The following TMEM30A variants were observed in gnomAD, a reference collection of about 807,000 sequenced individuals.
The protein encoded by TMEM30A is cell cycle control protein 50A.
In TMEM30A, 24 loss-of-function variants were observed where a neutral mutation model predicts 38.2. The observed-to-expected ratio is 0.63, with a 90% CI of 0.46 to 0.88. The LOEUF (loss-of-function observed/expected upper bound fraction) is 0.88, where lower values mean the gene tolerates loss of function less well. TMEM30A is among the 40% of genes least tolerant of loss of function. The pLI, the probability that TMEM30A is intolerant of heterozygous loss-of-function variation, is 0.00. For synonymous variants in TMEM30A, 145 were observed against 161.6 expected (o/e 0.90, Z 0.78); for missense variants, 370 against 458.6 (o/e 0.81, Z 1.77).
intron 1 of TMEM30A, 146 bp from the exon 2 acceptor site, chr6:75,267,894 G>A (rs1404209959): frequency 6.5e-6 from 3 of 458,238 alleles, no homozygotes; most frequent in Non-Finnish European, 1.1e-5. Flanking sequence ...TCATCTGTTT[G>A]ACAGTGTGAG....
rs199523839 is a variant in TMEM30A, at chr6:75,284,674, G to A, written c.-36C>T. The A allele has an allele frequency of 4.4e-6, 7 of 1,603,418 alleles. No homozygotes were observed. In the African/African-American group the frequency reaches 9.3e-5, roughly 21 times the overall value. On this transcript the variant is annotated 5_prime_UTR_variant, in exon 1 of 7. Transcript: ENST00000230461. ...GGCGCCGCTCCGCGATTTGCAGGTGGACCACCCAGGGGGCCCGCCGGCTGA... is the reference window on the plus strand; with the variant it reads ...GGCGCCGCTCCGCGATTTGCAGGTGAACCACCCAGGGGGCCCGCCGGCTGA...
chr6:75,275,981 G>A (rs1222031337), intron 1 of TMEM30A, among the ~76,000 whole-genome samples: 2 of 152,152 alleles, frequency 1.3e-5, no homozygotes, highest in Non-Finnish European at 2.9e-5. Flanking sequence ...GGGACTGAAG[G>A]TTGAGTCCCA....
chr6:75,264,764 A>G (rs1317482087), intron 3 of TMEM30A, among the ~76,000 whole-genome samples: 1 of 152,288 alleles, frequency 6.6e-6, no homozygotes, highest in East Asian at 1.9e-4. Flanking sequence ...CTGGGCATCA[A>G]TGCATCTGTG....
intron 1 of TMEM30A, among the ~76,000 whole-genome samples, chr6:75,268,076 CAG>C (rs1772098605): frequency 6.6e-6 from 1 of 152,148 alleles, no homozygotes; most frequent in Admixed American, 6.5e-5. Context: ...ACTAGATTAA[CAG>C]AGATCAATAA....
Position 75,282,906 on chromosome 6 carries a change from C to T in TMEM30A, c.237+1496G>A, listed in dbSNP as rs370780229. Among the ~76,000 whole-genome samples the T allele has an allele frequency of 4.0e-4, 61 of 152,180 alleles. 3 individuals carry two copies. In the South Asian group the frequency reaches 0.011, roughly 28 times the overall value. ...GAATTTAAAACCAGCTCTGCCTGAC[C>T]CCAGCCAATGCCCATGTTCCTTGCA... On this transcript the variant is annotated intron_variant, in intron 1 of 6. Coordinates refer to ENST00000230461, the MANE Select transcript of TMEM30A (RefSeq NM_018247.4).
chr6:75,273,578 A>T (rs1772212173), intron 1 of TMEM30A, among the ~76,000 whole-genome samples: 1 of 152,102 alleles, frequency 6.6e-6, no homozygotes, highest in Non-Finnish European at 1.5e-5. Flanking sequence ...GATGTTATCT[A>T]CAGGGAGAGA....
At chr6:75,276,190 C>CT (rs1175859795) in intron 1 of TMEM30A, among the ~76,000 whole-genome samples, 1 of 152,224 alleles carries the variant, frequency 6.6e-6, no homozygotes, top group Non-Finnish European at 1.5e-5. Flanking sequence ...CAAACATCTC[C>CT]TTTTACATCT....
rs1216843234 is a variant in TMEM30A at position 75,256,083 on chromosome 6, T to C, written c.*19A>G. The stretch of plus-strand genomic sequence containing the variant: ...TGGCCTTGATGCACATGCAGATGAT[T>C]TGCTTTCATAATATAAAATTAAATG... On this transcript the variant is annotated 3_prime_UTR_variant, in exon 7 of 7. Transcript: ENST00000230461. 6.4e-7 allele frequency: 1 copy of C among 1,561,256 alleles called. No individual in the cohort carries two copies. The highest frequency in any genetic ancestry group is 8.8e-7 in the Non-Finnish European group (1 of 1,139,024).
At chr6:75,279,528 G>A (rs1387077281) in intron 1 of TMEM30A, among the ~76,000 whole-genome samples, 2 of 152,096 alleles carry the variant, frequency 1.3e-5, no homozygotes, top group East Asian at 3.9e-4. Flanking sequence ...GCTTACTAAC[G>A]TCAAGAGCAT....
intron 1 of TMEM30A, among the ~76,000 whole-genome samples, chr6:75,271,481 G>C (rs780257591): frequency 2.6e-5 from 4 of 151,744 alleles, no homozygotes; most frequent in East Asian, 1.9e-4. Context: ...AATCTGAAAG[G>C]ACTATTTAAA....
intron 1 of TMEM30A, among the ~76,000 whole-genome samples, chr6:75,277,025 C>G (rs1003953362): frequency 2.0e-5 from 3 of 152,162 alleles, no homozygotes; most frequent in Admixed American, 2.0e-4. Flanking sequence ...GAGGCTTCCC[C>G]TGGCTACCCT....
At chr6:75,269,663 T>C (rs1365509183) in intron 1 of TMEM30A, among the ~76,000 whole-genome samples, 1 of 152,204 alleles carries the variant, frequency 6.6e-6, no homozygotes, top group African/African-American at 2.4e-5. Flanking sequence ...ATACAAGGTA[T>C]GCAATTGCTG....
chr6:75,259,300 T>A (rs752109123), intron 5 of TMEM30A, 47 bp downstream of exon 5: 4 of 1,549,792 alleles, frequency 2.6e-6, no homozygotes, highest in Non-Finnish European at 3.5e-6. Flanking sequence ...AAATACTTCA[T>A]TAAAACTCCT....
intron 1 of TMEM30A, among the ~76,000 whole-genome samples, chr6:75,283,850 T>C (rs1772406379): frequency 6.6e-6 from 1 of 152,228 alleles, no homozygotes; most frequent in Non-Finnish European, 1.5e-5. Context: ...TCCTCATATG[T>C]GACCTGATAA....
At chr6:75,264,911 C>T (rs1772040531) in intron 3 of TMEM30A, among the ~76,000 whole-genome samples, 1 of 152,040 alleles carries the variant, frequency 6.6e-6, no homozygotes, top group South Asian at 2.1e-4. Flanking sequence ...AGCAGACTGG[C>T]CAACATGTTG....
chr6:75,269,203 G>A (rs1772124129), intron 1 of TMEM30A, among the ~76,000 whole-genome samples: 1 of 152,010 alleles, frequency 6.6e-6, no homozygotes, highest in Non-Finnish European at 1.5e-5. Context: ...GTTCACACTT[G>A]GTGTATATTC....
intron 1 of TMEM30A, among the ~76,000 whole-genome samples, chr6:75,281,039 G>T (rs531323621): frequency 2.0e-5 from 3 of 152,226 alleles, no homozygotes; most frequent in East Asian, 3.9e-4. Flanking sequence ...GAAGAAAGTT[G>T]AGAGTTTATC....
At chr6:75,274,634 A>T (rs1772229157) in intron 1 of TMEM30A, among the ~76,000 whole-genome samples, 1 of 152,232 alleles carries the variant, frequency 6.6e-6, no homozygotes, top group South Asian at 2.1e-4. Context: ...AAATACACTT[A>T]GGTTGATTTC....
intron 4 of TMEM30A, 100 bp from the exon 5 acceptor site, chr6:75,259,590 A>G: frequency 8.9e-7 from 1 of 1,120,800 alleles, no homozygotes; most frequent in Non-Finnish European, 1.2e-6. Flanking sequence ...TGTTTCCAAA[A>G]GTGGTTGTGA....
Sources: allele counts gnomAD v4.1 joint callset (sites outside exome capture counted in the v4.1 genomes callset), GRCh38; gene constraint gnomAD v4.1.1; transcripts MANE v1.5; gene names NCBI Gene and HGNC (gene_info 2026-07-23, HGNC 2026-07-21).